RIMS2: variants seen among roughly 807,000 people sequenced by gnomAD.
RIMS2 encodes regulating synaptic membrane exocytosis protein 2.
RIMS2 carries 59 observed loss-of-function variants against 174.4 expected under a neutral mutation model. The observed-to-expected ratio is 0.34, with a 90% CI of 0.27 to 0.42. The LOEUF is 0.42. RIMS2 is among the 10% of genes least tolerant of loss of function. RIMS2 has a pLI of 1.00. For missense variants in RIMS2, 1,620 were observed against 1,666.3 expected (o/e 0.97, Z 0.48); for synonymous variants, 606 against 572.5 (o/e 1.06, Z -0.84).
exon 13 of RIMS2, chr8:103,936,624 T>G: frequency 6.2e-7 from 1 of 1,611,314 alleles, no homozygotes; most frequent in Non-Finnish European, 8.5e-7. Flanking sequence ...ATTCATTTAT[T>G]CTCCAGTCCA....
intron 1 of RIMS2, among the ~76,000 whole-genome samples, chr8:103,693,290 T>A (rs1262821807): frequency 5.9e-5 from 9 of 152,184 alleles, no homozygotes; most frequent in Non-Finnish European, 2.9e-5. Flanking sequence ...AATTTAAGAC[T>A]GTTTTTTCTA....
At chr8:103,780,243 CTT>C (rs1322962123) in intron 3 of RIMS2, among the ~76,000 whole-genome samples, 1 of 152,116 alleles carries the variant, frequency 6.6e-6, no homozygotes, top group African/African-American at 2.4e-5. Context: ...GGTCGAATCT[CTT>C]TGATATTCTC....
chr8:103,808,202 T>A (rs1195193338), intron 3 of RIMS2, among the ~76,000 whole-genome samples: 1 of 152,084 alleles, frequency 6.6e-6, no homozygotes, highest in Non-Finnish European at 1.5e-5. Flanking sequence ...ATAACAGAGT[T>A]GATCATAATA....
Position 103,569,910 on chromosome 8 carries a change from G to A in RIMS2, c.176+68848G>A, listed in dbSNP as rs1053273371. Among the ~76,000 whole-genome samples the A allele has an allele frequency of 2.6e-5, 4 of 151,826 alleles. No homozygotes were observed. The South Asian group carries it at 6.2e-4, about 24-fold the overall frequency. On this transcript the variant is annotated intron_variant, in intron 1 of 23. Coordinates refer to ENST00000504942, the Ensembl canonical transcript of RIMS2. ...AGCTTCCCGAGTTGCTGGGATTATA[G>A]GTGTGAGTCACCATGCCTGGCTCAT...
chr8:103,513,393 T>G (rs893851438), intron 1 of RIMS2, among the ~76,000 whole-genome samples: 6 of 152,152 alleles, frequency 3.9e-5, no homozygotes, highest in Non-Finnish European at 8.8e-5. Flanking sequence ...TCCACAATTC[T>G]GTAACTGAAA....
chr8:103,816,661 A>T lies in RIMS2; in HGVS notation c.698+50124A>T, dbSNP rs530024181. Among the ~76,000 whole-genome samples the T allele has an allele frequency of 2.3e-3, 351 of 152,272 alleles. 3 individuals carry two copies. The highest frequency in any genetic ancestry group is 3.7e-3 in the Non-Finnish European group (254 of 68,014). ...GGGGCAGGTGAAAGGGTGGTAATGG[A>T]GAGGGAAGGTGGAAGAGATCATTTC... is the stretch of plus-strand genomic sequence containing the variant. On this transcript the variant is annotated intron_variant, in intron 3 of 23. Coordinates refer to ENST00000504942, the Ensembl canonical transcript of RIMS2.
At chr8:103,962,776 T>C (rs1306149345) in intron 15 of RIMS2, among the ~76,000 whole-genome samples, 1 of 151,984 alleles carries the variant, frequency 6.6e-6, no homozygotes, top group African/African-American at 2.4e-5. Flanking sequence ...AGGTGCACAC[T>C]ACCTAGTGTG....
intron 1 of RIMS2, among the ~76,000 whole-genome samples, chr8:103,632,647 C>G (rs1397768066): frequency 1.3e-5 from 2 of 151,272 alleles, no homozygotes; most frequent in Admixed American, 1.3e-4. Context: ...TCTGGAACTC[C>G]TGACCTCAGG....
intron 19 of RIMS2, among the ~76,000 whole-genome samples, chr8:104,032,157 T>C (rs1193861824): frequency 6.6e-6 from 1 of 152,084 alleles, no homozygotes; most frequent in Admixed American, 6.6e-5. Context: ...AAAGTTTGTC[T>C]TTGTAGGATA....
intron 1 of RIMS2, among the ~76,000 whole-genome samples, chr8:103,533,661 C>CAAAAA (rs34355378): frequency 1.2e-4 from 8 of 66,020 alleles, no homozygotes; most frequent in South Asian, 5.9e-4. Flanking sequence ...GACCCTGTCT[C>CAAAAA]AAAAAAAAAA....
chr8:104,111,718 T>G (rs932374620), intron 19 of RIMS2, among the ~76,000 whole-genome samples: 5 of 152,174 alleles, frequency 3.3e-5, no homozygotes, highest in Non-Finnish European at 7.4e-5. Flanking sequence ...CCATTGGCTA[T>G]CTGTCTGTCT....
At chr8:103,851,891 A>G (rs1247423504) in intron 3 of RIMS2, among the ~76,000 whole-genome samples, 3 of 151,866 alleles carry the variant, frequency 2.0e-5, no homozygotes, top group African/African-American at 7.3e-5. Flanking sequence ...CATTAATTGT[A>G]TGGTTCAGCC....
At chr8:104,187,739 A>T (rs1260089304) in intron 19 of RIMS2, among the ~76,000 whole-genome samples, 1 of 151,800 alleles carries the variant, frequency 6.6e-6, no homozygotes, top group African/African-American at 2.4e-5. Flanking sequence ...TTTTAGATAC[A>T]TTGTTTACTG....
intron 1 of RIMS2, among the ~76,000 whole-genome samples, chr8:103,604,311 A>G (rs1298349971): frequency 6.6e-6 from 1 of 151,504 alleles, no homozygotes; most frequent in Non-Finnish European, 1.5e-5. Context: ...ATAGTTGTTG[A>G]TATGCGGCGT....
intron 1 of RIMS2, among the ~76,000 whole-genome samples, chr8:103,585,352 T>C (rs2093851258): frequency 6.6e-6 from 1 of 152,090 alleles, no homozygotes; most frequent in Non-Finnish European, 1.5e-5. Flanking sequence ...GAACCAGAAA[T>C]ACTGTTTGAC....
At chr8:103,793,047 A>T (rs566426885) in intron 3 of RIMS2, among the ~76,000 whole-genome samples, 1 of 152,206 alleles carries the variant, frequency 6.6e-6, no homozygotes, top group Non-Finnish European at 1.5e-5. Flanking sequence ...ATTCCAATCA[A>T]TAGAAAAAGA....
At chr8:103,881,342 T>A (rs1170918019) in intron 3 of RIMS2, among the ~76,000 whole-genome samples, 1 of 151,580 alleles carries the variant, frequency 6.6e-6, no homozygotes, top group Non-Finnish European at 1.5e-5. Context: ...TTCAGAGATT[T>A]GATGATTCTT....
chr8:104,228,229 C>T (rs10102344), intron 19 of RIMS2, among the ~76,000 whole-genome samples: 6,676 of 151,890 alleles, frequency 0.044, 307 homozygotes, highest in East Asian at 0.14. Flanking sequence ...AGGGTTTCAC[C>T]GTGTTAGCCA....
At chr8:104,157,463 T>G (rs920538039) in intron 19 of RIMS2, among the ~76,000 whole-genome samples, 6 of 152,222 alleles carry the variant, frequency 3.9e-5, no homozygotes, top group African/African-American at 1.4e-4. Context: ...AATATGTTCA[T>G]TATGTTGTGC....
Sources: allele counts gnomAD v4.1 joint callset (sites outside exome capture counted in the v4.1 genomes callset), GRCh38; gene constraint gnomAD v4.1.1; transcripts MANE v1.5; gene names NCBI Gene and HGNC (gene_info 2026-07-23, HGNC 2026-07-21).